SLCO1A2: variants seen among roughly 807,000 people sequenced by gnomAD.
SLCO1A2 encodes OATP-1.
Under a neutral mutation model 69.0 loss-of-function variants are expected in SLCO1A2, and 67 were observed. That is an observed-to-expected ratio of 0.97 (90% CI 0.80 to 1.19). The LOEUF (loss-of-function observed/expected upper bound fraction) is 1.19, where lower values mean the gene tolerates loss of function less well. Ranked by LOEUF, SLCO1A2 falls within the 50% of genes most tolerant of loss-of-function variation. The probability of loss-of-function intolerance (pLI) is 0.00; values close to 1 mark genes in which losing one functional copy is unlikely to be tolerated. For synonymous variants in SLCO1A2, 260 were observed against 265.9 expected, an observed-to-expected ratio of 0.98 and a Z score of 0.22; for missense variants, 787 against 793.7, an observed-to-expected ratio of 0.99 and a Z score of 0.10.
chr12:21,351,720 G>A (rs1158071148), intron 2 of SLCO1A2, among the ~76,000 whole-genome samples: 2 of 151,670 alleles, frequency 1.3e-5, no homozygotes, highest in African/African-American at 4.8e-5. Flanking sequence ...AGAGGTTGCA[G>A]TGAGCCGAGA....
At chr12:21,394,197 T>C (rs556889819) in intron 1 of SLCO1A2, among the ~76,000 whole-genome samples, 1 of 152,306 alleles carries the variant, frequency 6.6e-6, no homozygotes, top group South Asian at 2.1e-4. Context: ...TGTCTATGTA[T>C]GTCTTTCTTC....
chr12:21,298,622 GGA>G (rs906706248), intron 8 of SLCO1A2, among the ~76,000 whole-genome samples: 5 of 152,110 alleles, frequency 3.3e-5, no homozygotes, highest in Non-Finnish European at 5.9e-5. Context: ...GTACCTGACA[GGA>G]GAGAGAGTTA....
intron 1 of SLCO1A2, chr12:21,378,297 T>C (rs138539884): frequency 1.9e-5 from 30 of 1,613,992 alleles, no homozygotes; most frequent in Non-Finnish European, 2.5e-5. Flanking sequence ...GCCTGGCAAA[T>C]TTTTTAGTTC....
chr12:21,409,561 T>A (rs546946248), intron 1 of SLCO1A2, among the ~76,000 whole-genome samples: 57 of 152,328 alleles, frequency 3.7e-4, no homozygotes, highest in African/African-American at 1.2e-3. Context: ...AAAAATTTGC[T>A]GATCTCTGGT....
At chr12:21,416,383 CACAA>C (rs1432685982) in intron 1 of SLCO1A2, among the ~76,000 whole-genome samples, 2 of 151,702 alleles carry the variant, frequency 1.3e-5, no homozygotes, top group South Asian at 2.1e-4. Flanking sequence ...CACACACACA[CACAA>C]AAGACAATAA....
At chr12:21,400,591 G>A (rs547923942) in intron 1 of SLCO1A2, among the ~76,000 whole-genome samples, 108 of 151,636 alleles carry the variant, frequency 7.1e-4, no homozygotes, top group Non-Finnish European at 1.4e-3. Flanking sequence ...TGTTTATTGC[G>A]GCTCTATTCA....
chr12:21,288,250 G>A (rs138318741), intron 12 of SLCO1A2, among the ~76,000 whole-genome samples: 72 of 152,026 alleles, frequency 4.7e-4, no homozygotes, highest in African/African-American at 1.5e-3. Context: ...AAGACCAGCC[G>A]GGCCAACATA....
chr12:21,358,386 C>A (rs1474015559), intron 2 of SLCO1A2, among the ~76,000 whole-genome samples: 1 of 152,080 alleles, frequency 6.6e-6, no homozygotes, highest in Non-Finnish European at 1.5e-5. Context: ...TTTTTCCTCT[C>A]CAAAAAATGT....
At chr12:21,299,840 GTA>G (rs1319275798) in intron 8 of SLCO1A2, among the ~76,000 whole-genome samples, 41 of 134,406 alleles carry the variant, frequency 3.1e-4, no homozygotes, top group Non-Finnish European at 4.7e-4. Flanking sequence ...ACATATATGT[GTA>G]TATATATACG....
chr12:21,315,700 A>G (rs1360800266), intron 3 of SLCO1A2, among the ~76,000 whole-genome samples: 1 of 152,210 alleles, frequency 6.6e-6, no homozygotes, highest in Non-Finnish European at 1.5e-5. Context: ...CCCCACCGCA[A>G]TAACTATATC....
At chr12:21,274,884 A>G (rs935271624) in intron 13 of SLCO1A2, 1 of 1,061,440 alleles carries the variant, frequency 9.4e-7, no homozygotes, top group Admixed American at 4.7e-5. Context: ...TGTACATTTT[A>G]TTTGGGCAGA....
chr12:21,281,619 T>C (rs1038860027), intron 12 of SLCO1A2, among the ~76,000 whole-genome samples: 3 of 151,484 alleles, frequency 2.0e-5, no homozygotes, highest in Non-Finnish European at 4.4e-5. Flanking sequence ...ACAAAAGAAA[T>C]AGTTATTTGA....
intron 4 of SLCO1A2, among the ~76,000 whole-genome samples, chr12:21,310,867 T>G (rs997281515): frequency 6.6e-6 from 1 of 152,180 alleles, no homozygotes; most frequent in African/African-American, 2.4e-5. Flanking sequence ...CCTTTCAAAG[T>G]GCTAGGATTA....
chr12:21,388,365 G>C (rs549095375), intron 1 of SLCO1A2, among the ~76,000 whole-genome samples: 1 of 152,224 alleles, frequency 6.6e-6, no homozygotes, highest in Middle Eastern at 3.4e-3. Flanking sequence ...ATCCCCATGT[G>C]TCATGGAAGG....
chr12:21,388,891 T>G (rs1941018902), intron 1 of SLCO1A2, among the ~76,000 whole-genome samples: 1 of 152,210 alleles, frequency 6.6e-6, no homozygotes, highest in Non-Finnish European at 1.5e-5. Context: ...ATGTAGGATT[T>G]GTCTTCCAGA....
At chr12:21,330,957 C>T (rs1952576077) in intron 2 of SLCO1A2, among the ~76,000 whole-genome samples, 1 of 152,058 alleles carries the variant, frequency 6.6e-6, no homozygotes, top group Non-Finnish European at 1.5e-5. Context: ...TATCTTAGGA[C>T]AAAAATTCAT....
intron 1 of SLCO1A2, among the ~76,000 whole-genome samples, chr12:21,394,680 A>T (rs1253123229): frequency 2.0e-5 from 3 of 152,058 alleles, no homozygotes; most frequent in Non-Finnish European, 4.4e-5. Flanking sequence ...CCTCCACAAA[A>T]TCTACTGTGC....
chr12:21,295,345 A>G (rs920016212), intron 10 of SLCO1A2: 46 of 371,190 alleles, frequency 1.2e-4, no homozygotes, highest in South Asian at 5.3e-4. Context: ...CACAAAGACA[A>G]TCATGCACAC....
At chr12:21,359,374 T>G (rs1938631765) in intron 2 of SLCO1A2, among the ~76,000 whole-genome samples, 1 of 152,064 alleles carries the variant, frequency 6.6e-6, no homozygotes, top group Non-Finnish European at 1.5e-5. Context: ...TCAACTTGAC[T>G]ATTCACTCCT....
Sources: allele counts gnomAD v4.1 joint callset (sites outside exome capture counted in the v4.1 genomes callset), GRCh38; gene constraint gnomAD v4.1.1; transcripts MANE v1.5; gene names NCBI Gene and HGNC (gene_info 2026-07-23, HGNC 2026-07-21).